Variants in NRXN3 observed in about 807,000 individuals in gnomAD.
The protein encoded by NRXN3 is neurexin 3.
A neutral mutation model predicts 137.6 loss-of-function variants in NRXN3; 32 were observed. That is an observed-to-expected ratio of 0.23 (90% confidence interval 0.18 to 0.31). NRXN3 has a LOEUF of 0.31. Among genes scored for constraint, NRXN3 ranks in the 10% least tolerant of loss-of-function variants. The pLI is 1.00. For synonymous variants in NRXN3, 798 were observed against 784.5 expected (o/e 1.02, Z -0.29); for missense variants, 1,574 against 2,062.5 (o/e 0.76, Z 4.59).
At chr14:78,286,825 T>G (rs2075237346) in intron 3 of NRXN3, among the ~76,000 whole-genome samples, 1 of 152,226 alleles carries the variant, frequency 6.6e-6, no homozygotes, top group Admixed American at 6.5e-5. Context: ...CATGTGTGGT[T>G]ACATGTGACT....
chr14:79,372,188 T>C (rs566909302), intron 15 of NRXN3, among the ~76,000 whole-genome samples: 12 of 152,148 alleles, frequency 7.9e-5, no homozygotes, highest in African/African-American at 2.6e-4. Context: ...GTGAAGAAAA[T>C]TGATTCCTTA....
chr14:79,314,988 T>C (rs908698583), intron 15 of NRXN3, among the ~76,000 whole-genome samples: 4 of 152,218 alleles, frequency 2.6e-5, no homozygotes, highest in Non-Finnish European at 4.4e-5. Context: ...CTGCTTATTA[T>C]ATGCTATGGT....
At chr14:78,254,285 T>C (rs1452080245) in intron 2 of NRXN3, among the ~76,000 whole-genome samples, 1 of 152,164 alleles carries the variant, frequency 6.6e-6, no homozygotes, top group African/African-American at 2.4e-5. Flanking sequence ...CAGTGCCTCA[T>C]TTTATCAACC....
chr14:79,100,423 C>T (rs1292381818), intron 15 of NRXN3, among the ~76,000 whole-genome samples: 2 of 152,150 alleles, frequency 1.3e-5, no homozygotes, highest in Admixed American at 6.5e-5. Context: ...AATATTTAGT[C>T]TTGCTTTTTC....
At chr14:79,251,016 C>G (rs915164357) in intron 15 of NRXN3, among the ~76,000 whole-genome samples, 2 of 152,056 alleles carry the variant, frequency 1.3e-5, no homozygotes, top group Non-Finnish European at 2.9e-5. Flanking sequence ...TGTTAAAGGT[C>G]TGGTAGTGAG....
intron 15 of NRXN3, among the ~76,000 whole-genome samples, chr14:79,401,767 A>G (rs1444473512): frequency 6.6e-6 from 1 of 151,550 alleles, no homozygotes; most frequent in Non-Finnish European, 1.5e-5. Context: ...TTTTTCCTCT[A>G]CACTTCACTA....
chr14:79,280,479 A>G (rs780744205), intron 15 of NRXN3: 3 of 1,614,004 alleles, frequency 1.9e-6, no homozygotes, highest in Non-Finnish European at 1.7e-6. Context: ...CATGGCAGCA[A>G]GCATCACTCA....
At chr14:79,414,811 T>C (rs564057870) in intron 15 of NRXN3, among the ~76,000 whole-genome samples, 1 of 152,124 alleles carries the variant, frequency 6.6e-6, no homozygotes, top group Non-Finnish European at 1.5e-5. Flanking sequence ...GTCTCCAGAA[T>C]GTATTCATCT....
At chr14:78,348,131 A>C (rs1333205236) in intron 4 of NRXN3, among the ~76,000 whole-genome samples, 1 of 152,160 alleles carries the variant, frequency 6.6e-6, no homozygotes, top group African/African-American at 2.4e-5. Flanking sequence ...CATGTTTTTC[A>C]CCACACCAGG....
At chr14:78,781,011 GA>G (rs546077385) in intron 8 of NRXN3, among the ~76,000 whole-genome samples, 1 of 151,760 alleles carries the variant, frequency 6.6e-6, no homozygotes, top group South Asian at 2.1e-4. Flanking sequence ...CTTGTTATGT[GA>G]AAAAAAATCT....
intron 10 of NRXN3, among the ~76,000 whole-genome samples, chr14:78,951,413 C>T (rs1169972284): frequency 6.6e-6 from 1 of 152,032 alleles, no homozygotes; most frequent in African/African-American, 2.4e-5. Context: ...CTTCTCTGAT[C>T]ATCTCATTTA....
chr14:79,230,120 C>T (rs1036798955), intron 15 of NRXN3, among the ~76,000 whole-genome samples: 1 of 152,080 alleles, frequency 6.6e-6, no homozygotes, highest in Admixed American at 6.6e-5. Flanking sequence ...TTCAAAGTAG[C>T]ATCTGGAAAA....
At chr14:78,949,494 T>A (rs771479435) in intron 10 of NRXN3, among the ~76,000 whole-genome samples, 48 of 152,180 alleles carry the variant, frequency 3.2e-4, no homozygotes, top group African/African-American at 8.4e-4. Context: ...CACTAGTTTT[T>A]TTCCAATACA....
intron 15 of NRXN3, among the ~76,000 whole-genome samples, chr14:79,256,644 T>G (rs2076620862): frequency 6.6e-6 from 1 of 152,246 alleles, no homozygotes; most frequent in Non-Finnish European, 1.5e-5. Flanking sequence ...TTTGTTCATC[T>G]GACTTCACAG....
rs571846275 is a variant in NRXN3 at position 79,338,439 on chromosome 14, C to T, written c.3263-128782C>T. The stretch of plus-strand genomic sequence containing the variant: ...TTCGATTTTACCACTGCGTTCCCTC[C>T]AGTGTACTTAGTAGAGATAGGATCA... On this transcript the variant is annotated intron_variant, in intron 15 of 20. Coordinates refer to ENST00000335750, the MANE Select transcript of NRXN3 (RefSeq NM_001330195.2). 3.2e-3 allele frequency among the ~76,000 whole-genome samples: 484 copies of T among 152,168 alleles called. 1 individual carries two copies. The highest frequency in any genetic ancestry group is 5.3e-3 in the Non-Finnish European group (363 of 68,004).
intron 10 of NRXN3, among the ~76,000 whole-genome samples, chr14:78,867,047 T>A (rs554955145): frequency 2.0e-5 from 3 of 152,274 alleles, no homozygotes; most frequent in African/African-American, 7.2e-5. Context: ...TCCACCTGCC[T>A]CAGCCTCTCA....
At chr14:79,519,542 A>C (rs967085897) in intron 16 of NRXN3, among the ~76,000 whole-genome samples, 1 of 152,054 alleles carries the variant, frequency 6.6e-6, no homozygotes, top group Non-Finnish European at 1.5e-5. Flanking sequence ...TGTAAGACCA[A>C]AGATTTCCTC....
intron 16 of NRXN3, among the ~76,000 whole-genome samples, chr14:79,657,200 C>G (rs1310909687): frequency 6.6e-6 from 1 of 152,124 alleles, no homozygotes; most frequent in Non-Finnish European, 1.5e-5. Flanking sequence ...CTAGACAAAG[C>G]TTGAGCCATG....
intron 8 of NRXN3, among the ~76,000 whole-genome samples, chr14:78,715,719 C>A (rs1458143369): frequency 6.6e-6 from 1 of 152,162 alleles, no homozygotes; most frequent in Admixed American, 6.5e-5. Flanking sequence ...GGAATTTCAT[C>A]ATGGTAGTCA....
Sources: gnomAD v4.1 joint callset for allele counts (sites outside exome capture counted in the v4.1 genomes callset) on GRCh38, gnomAD v4.1.1 for gene constraint, MANE v1.5 for transcripts, NCBI Gene and HGNC (gene_info 2026-07-23, HGNC 2026-07-21) for gene names.